ZDHHC11: variants seen among roughly 807,000 people sequenced by gnomAD.
The protein encoded by ZDHHC11 is zDHHC palmitoyltransferase 11, also known as palmitoyltransferase ZDHHC11.
In ZDHHC11, 44 loss-of-function variants were observed where a neutral mutation model predicts 51.3. That is an observed-to-expected ratio of 0.86 (90% CI 0.67 to 1.10). The LOEUF (loss-of-function observed/expected upper bound fraction) is 1.10, where lower values mean the gene tolerates loss of function less well. Ranked by LOEUF, ZDHHC11 falls within the 50% of genes least tolerant of loss-of-function variation. The probability of loss-of-function intolerance (pLI) is 0.00; values close to 1 mark genes in which losing one functional copy is unlikely to be tolerated. For missense variants in ZDHHC11, 400 were observed against 537.7 expected (o/e 0.74, Z 2.53); for synonymous variants, 163 against 222.0 (o/e 0.73, Z 2.36).
At chr5:860,462 A>C (rs1748736471), upstream of ZDHHC11, among the ~76,000 whole-genome samples, 1 of 152,172 alleles carries the variant, frequency 6.6e-6, no homozygotes, top group Non-Finnish European at 1.5e-5. The surrounding 1 kb of genome is among the most constrained non-coding windows in gnomAD (Gnocchi z 4.2). Flanking sequence ...ATTGAGGCAA[A>C]CACCCTCAAA....
chr5:834,837 G>T (rs985401272), intron 6 of ZDHHC11, among the ~76,000 whole-genome samples: 1 of 151,888 alleles, frequency 6.6e-6, no homozygotes, highest in Non-Finnish European at 1.5e-5. Context: ...ACATAATGCT[G>T]TTGCACACGT....
intron 10 of ZDHHC11, among the ~76,000 whole-genome samples, chr5:819,197 C>T (rs560118467): frequency 2.6e-4 from 39 of 151,686 alleles, no homozygotes; most frequent in African/African-American, 8.7e-4. Context: ...TCCTTTATCA[C>T]GGCACTGTCC....
chr5:817,598 AC>A (rs1464673579), intron 10 of ZDHHC11, among the ~76,000 whole-genome samples: 1 of 151,362 alleles, frequency 6.6e-6, no homozygotes, highest in Admixed American at 6.6e-5. Flanking sequence ...TATTAAAAAA[AC>A]ATATTCTGTG....
chr5:804,846 A>G (rs1198358604), intron 11 of ZDHHC11, among the ~76,000 whole-genome samples: 1 of 151,344 alleles, frequency 6.6e-6, no homozygotes, highest in Non-Finnish European at 1.5e-5. Context: ...CTACCCTAAA[A>G]GAAATATTAA....
In ZDHHC11 at chr5:819,543, G is replaced by T; in HGVS notation, c.1128C>A (p.Asp376Glu). The T allele has an allele frequency of 6.2e-7, 1 of 1,609,736 alleles. No homozygotes were observed. Among genetic ancestry groups the T allele is most frequent in the Non-Finnish European group, 8.5e-7 (1 of 1,176,578 alleles). Residue 376 changes from aspartate to glutamate, a missense_variant, in exon 10 of 13, where the codon GAC becomes GAA. By Grantham distance (45) the Asp-to-Glu change is conservative. Transcript: ENST00000283441. ...LCQFSTRVHP[D>E]GGSMAQEADD... ...AACTTACCTGTGCCATCGAGCCCCC[G>T]TCTGGGTGTACACGAGTGGAGAACT...
At chr5:852,067 AAAG>A (rs1340241859), upstream of ZDHHC11, among the ~76,000 whole-genome samples, 54 of 136,780 alleles carry the variant, frequency 3.9e-4, no homozygotes, top group African/African-American at 1.3e-3. Flanking sequence ...AAAAAAAAAA[AAAG>A]AAAGAAAGAA....
rs1181180157 is a variant in ZDHHC11, at chr5:825,097, G to A, written c.1023+67C>T. 5 of 1,492,928 alleles carry A rather than the reference G, an allele frequency of 3.3e-6. No individual in the cohort carries two copies. In the East Asian group the frequency reaches 6.7e-5, roughly 20 times the overall value. 92.5% of individuals were successfully genotyped at this position (1,492,928 alleles called of 1,614,324 possible). ...ATACTGCCTTAACCTCAGCTTGGGG[G>A]ACCCGAGACCACATATTCTGCACAC... On this transcript the variant is annotated intron_variant, in intron 8 of 12. Transcript: ENST00000283441.
chr5:859,268 C>T (rs937640771), upstream of ZDHHC11, among the ~76,000 whole-genome samples: 2 of 152,114 alleles, frequency 1.3e-5, no homozygotes, highest in African/African-American at 4.8e-5. Context: ...ACCTGCTTAG[C>T]CGCCCTCACC....
chr5:817,529 CCTT>C (rs1270025701), intron 10 of ZDHHC11, among the ~76,000 whole-genome samples: 1 of 151,354 alleles, frequency 6.6e-6, no homozygotes, highest in Non-Finnish European at 1.5e-5. Flanking sequence ...TTGAAACAGA[CCTT>C]CTGCCTGTTA....
chr5:821,798 T>A, intron 9 of ZDHHC11, 63 bp downstream of exon 9: 1 of 1,444,024 alleles, frequency 6.9e-7, no homozygotes, highest in Non-Finnish European at 9.6e-7. Context: ...TAATTCGAGA[T>A]GAGACGAGTG....
intron 8 of ZDHHC11, chr5:823,946 G>C: frequency 4.8e-6 from 2 of 414,246 alleles, no homozygotes; most frequent in South Asian, 3.4e-5. Flanking sequence ...TCCACCGAGT[G>C]TGTCTCCAAA....
At chr5:852,711 C>T (rs903930779), upstream of ZDHHC11, among the ~76,000 whole-genome samples, 8 of 130,878 alleles carry the variant, frequency 6.1e-5, no homozygotes, top group African/African-American at 8.9e-5. Context: ...CAGCGAGCAG[C>T]GGGGACAGAC....
intron 11 of ZDHHC11, among the ~76,000 whole-genome samples, chr5:811,227 G>A (rs1740050791): frequency 7.2e-6 from 1 of 139,110 alleles, no homozygotes; most frequent in African/African-American, 2.8e-5. Context: ...AAATGTCTTA[G>A]TTTTTACCTA....
At chr5:854,381 G>A (rs1553973015), upstream of ZDHHC11, among the ~76,000 whole-genome samples, 2 of 151,176 alleles carry the variant, frequency 1.3e-5, no homozygotes, top group South Asian at 4.2e-4. Flanking sequence ...GAGAGCCAGG[G>A]AGACAGACCC....
intron 12 of ZDHHC11, among the ~76,000 whole-genome samples, chr5:797,594 A>G (rs1737774584): frequency 6.6e-6 from 1 of 151,516 alleles, no homozygotes. Context: ...AAAAAAAATC[A>G]GTGATATTTC....
At chr5:801,566 G>T (rs1347051089) in intron 11 of ZDHHC11, among the ~76,000 whole-genome samples, 8 of 150,744 alleles carry the variant, frequency 5.3e-5, no homozygotes, top group Non-Finnish European at 8.9e-5. Context: ...CTGGCTATCA[G>T]GGAGCCTTAA....
Position 805,588 on chromosome 5 carries a change from T to A in ZDHHC11, c.1182-4424A>T, listed in dbSNP as rs973497655. 2.1e-4 allele frequency among the ~76,000 whole-genome samples: 31 copies of A among 148,182 alleles called. 2 individuals are homozygous for A. Among genetic ancestry groups the A allele is most frequent in the African/African-American group, 7.9e-4 (31 of 39,348 alleles). On this transcript the variant is annotated intron_variant, in intron 11 of 12. Transcript: ENST00000283441. ...AACATTACAAACATTCAACTAAAGA[T>A]TTTTTAAATGGGCAGGAATTGAGAA...
chr5:838,589 A>G (rs1744271110), intron 5 of ZDHHC11, among the ~76,000 whole-genome samples: 1 of 152,106 alleles, frequency 6.6e-6, no homozygotes, highest in Non-Finnish European at 1.5e-5. Context: ...CTGCCCAGGG[A>G]GGCTCTGGGT....
intron 3 of ZDHHC11, among the ~76,000 whole-genome samples, chr5:843,971 CA>C (rs1445375165): frequency 4.1e-5 from 3 of 74,044 alleles, no homozygotes; most frequent in East Asian, 7.9e-4. Context: ...GGTGCAGAGG[CA>C]GGGGCAGGGA....
Sources: allele counts gnomAD v4.1 joint callset (sites outside exome capture counted in the v4.1 genomes callset), GRCh38; gene constraint gnomAD v4.1.1; non-coding constraint Gnocchi (gnomAD v3.1); transcripts MANE v1.5; gene names NCBI Gene and HGNC (gene_info 2026-07-23, HGNC 2026-07-21).